ZC3H4: variants seen among roughly 807,000 people sequenced by gnomAD.
The protein encoded by ZC3H4 is zinc finger CCCH-type containing 4.
ZC3H4 carries 13 observed loss-of-function variants against 108.3 expected under a neutral mutation model. The observed-to-expected ratio is 0.12, with a 90% CI of 0.08 to 0.19. The LOEUF is 0.19. Ranked by LOEUF, ZC3H4 falls within the 10% of genes least tolerant of loss-of-function variation. The pLI is 1.00. For synonymous variants in ZC3H4, 917 were observed against 749.6 expected (o/e 1.22, Z -3.65); for missense variants, 1,734 against 1,838.8 (o/e 0.94, Z 1.04).
intron 1 of ZC3H4, chr19:47,113,373 T>TAG (rs2058065118): frequency 6.6e-6 from 1 of 152,656 alleles, no homozygotes. Flanking sequence ...TGGGTGGGGC[T>TAG]AGAGAGAGCA....
chr19:47,079,080 A>C (rs190501346), intron 11 of ZC3H4, among the ~76,000 whole-genome samples: 3,918 of 144,786 alleles, frequency 0.027, 147 homozygotes, highest in African/African-American at 0.085. Flanking sequence ...CCCAGGCTGG[A>C]GTGCAATGGC....
rs1417421062 is a variant in ZC3H4, at chr19:47,085,327, G to C, written c.958C>G (p.Arg320Gly). The change falls in exon 7 of 15, where the codon CGA becomes GGA. Residue 320 changes from arginine (R) to glycine (G), a missense_variant. By Grantham distance (125) the Arg-to-Gly change is moderately radical. Coordinates refer to ENST00000253048, the MANE Select transcript of ZC3H4 (RefSeq NM_015168.2). Reference protein sequence around the residue: ...LNQYRRSKDSRGRGLSRGRGR... With the variant: ...LNQYRRSKDSGGRGLSRGRGR... Reference sequence around the variant, plus strand: ...CCAGGCCCCTGCCCACCTCGGCCTCGGCTGTCCTTGGAGCGGCGGTACTGG... The same window carrying C: ...CCAGGCCCCTGCCCACCTCGGCCTCCGCTGTCCTTGGAGCGGCGGTACTGG... 6.3e-7 allele frequency: 1 copy of C among 1,591,646 alleles called. No individual in the cohort carries two copies. The highest frequency in any genetic ancestry group is 1.8e-5 in the Admixed American group (1 of 56,706).
intron 2 of ZC3H4, among the ~76,000 whole-genome samples, chr19:47,107,270 T>C (rs531163531): frequency 1.3e-5 from 2 of 152,308 alleles, no homozygotes; most frequent in Admixed American, 6.5e-5. Flanking sequence ...ACTGTAAAAG[T>C]TCTGTTTCAA....
chr19:47,095,089 ACCCACAT>A (rs1186651291), intron 2 of ZC3H4, among the ~76,000 whole-genome samples: 1 of 152,076 alleles, frequency 6.6e-6, no homozygotes. Flanking sequence ...GGGAGCACAG[ACCCACAT>A]CCCCTCCCTC....
intron 2 of ZC3H4, among the ~76,000 whole-genome samples, chr19:47,100,640 A>G (rs2057891581): frequency 6.6e-6 from 1 of 151,464 alleles, no homozygotes; most frequent in Non-Finnish European, 1.5e-5. Flanking sequence ...TGGGTATTTG[A>G]GATATTAATT....
chr19:47,089,361 T>C (rs1474469786), intron 5 of ZC3H4, among the ~76,000 whole-genome samples: 1 of 151,870 alleles, frequency 6.6e-6, no homozygotes, highest in Admixed American at 6.6e-5. Flanking sequence ...GGTTCAATGG[T>C]TCTTTTTGGT....
At chr19:47,092,611 G>T (rs1297842147) in intron 4 of ZC3H4, among the ~76,000 whole-genome samples, 1 of 151,756 alleles carries the variant, frequency 6.6e-6, no homozygotes, top group Non-Finnish European at 1.5e-5. Flanking sequence ...GAGGTCAGGA[G>T]TTCGAGGCCA....
chr19:47,071,953 G>T lies in ZC3H4; in HGVS notation c.1971C>A (p.Gly657=). 6.2e-7 allele frequency: 1 copy of T among 1,613,280 alleles called. No individual in the cohort carries two copies. Among genetic ancestry groups the T allele is most frequent in the Non-Finnish European group, 8.5e-7 (1 of 1,179,648 alleles). ...DMHADMPMGP[G]MNPGPPMGPG... ...GGCCCATGGGTGGGCCAGGATTCAT[G>T]CCAGGGCCCATCGGCATGTCTGCGT... is the stretch of plus-strand genomic sequence containing the variant. The change falls in exon 13 of 15, where the codon GGC becomes GGA. Residue 657 remains glycine, a synonymous_variant. Coordinates refer to ENST00000253048, the MANE Select transcript of ZC3H4 (RefSeq NM_015168.2).
rs2057536917 is a variant in ZC3H4 at position 47,082,212 on chromosome 19, G to A, written c.1302C>T (p.Ala434=). ...GCATATAAGGGCAGTTCTCAGCTCT[G>A]GCGCAAAATCCAGTGATGTAAAACT... ...LCKFYITGFC[A]RAENCPYMHG... Residue 434 remains alanine (A), a synonymous_variant, in exon 10 of 15, where the codon GCC becomes GCT. Coordinates refer to ENST00000253048, the MANE Select transcript of ZC3H4 (RefSeq NM_015168.2). 6.2e-7 allele frequency: 1 copy of A among 1,614,032 alleles called. No homozygotes were observed. Among genetic ancestry groups the A allele is most frequent in the Admixed American group, 1.7e-5 (1 of 60,020 alleles).
chr19:47,085,592 G>A (rs1229172263), intron 6 of ZC3H4, among the ~76,000 whole-genome samples, 178 bp from the exon 7 acceptor site: 2 of 152,168 alleles, frequency 1.3e-5, no homozygotes, highest in Non-Finnish European at 2.9e-5. Context: ...AGTCTTCACT[G>A]TGAAGACCTG....
Position 47,112,579 on chromosome 19 carries a change from C to T in ZC3H4, c.6G>A (p.Glu2=). M[E]AAPGTPPPPP... ...GCGGCGGGGGGGTCCCGGGCGCGGC[C>T]TCCATAGTTCCTTTGGGGGGGAGGG... is the stretch of plus-strand genomic sequence containing the variant. Residue 2 remains glutamate, a synonymous_variant, in exon 2 of 15, where the codon GAG becomes GAA. Coordinates refer to ENST00000253048, the MANE Select transcript of ZC3H4 (RefSeq NM_015168.2). 8.4e-7 allele frequency: 1 copy of T among 1,187,174 alleles called. No homozygotes were observed. The highest frequency in any genetic ancestry group is 1.1e-6 in the Non-Finnish European group (1 of 944,630). 73.5% of individuals were successfully genotyped at this position (1,187,174 alleles called of 1,614,324 possible). A position where few individuals can be genotyped will look rare whatever the true frequency, so the allele number is the denominator to read the frequency against.
rs756361226 is a variant in ZC3H4, at chr19:47,090,158, G to A, written c.524C>T (p.Thr175Met). ...GGAGTATGCCTTCTTGGGCAGGGGC[G>A]TGGCATGCGATGGGGGGTACTGCTG... Reference protein sequence around the residue: ...SHQQYPPSHATPLPKKAYSKM... With the variant: ...SHQQYPPSHAMPLPKKAYSKM... The change falls in exon 5 of 15, where the codon ACG becomes ATG. Residue 175 changes from threonine to methionine, a missense_variant. By Grantham distance (81) the Thr-to-Met change is moderately conservative (BLOSUM62 -1). Around this residue, in one of 9 missense-constraint regions of ZC3H4, gnomAD observed 403 missense variants for 457.0 expected, o/e 0.88. Coordinates refer to ENST00000253048, the MANE Select transcript of ZC3H4 (RefSeq NM_015168.2). 1.9e-5 allele frequency: 31 copies of A among 1,614,070 alleles called. No homozygotes were observed. Among genetic ancestry groups the A allele is most frequent in the Admixed American group, 1.0e-4 (6 of 60,010 alleles).
In ZC3H4 at chr19:47,072,024, G is replaced by C. The variant is rs757667086; in HGVS notation, c.1900C>G (p.Pro634Ala). The change falls in exon 13 of 15, where the codon CCC becomes GCC. Residue 634 changes from proline to alanine, a missense_variant. By Grantham distance (27) the Pro-to-Ala change is conservative. Around this residue, in one of 9 missense-constraint regions of ZC3H4, gnomAD observed 540 missense variants for 484.1 expected, o/e 1.12. Transcript: ENST00000253048. The surrounding 1 kb of genome is among the most constrained non-coding windows in gnomAD (Gnocchi z 5.6). ...MGGPMHPDMH[P>A]DMHPDMHPDM... Reference sequence around the variant, plus strand: ...GGGTGCATGTCCGGGTGCATGTCGGGGTGCATGTCAGGATGCATTGGACCG... The same window carrying C: ...GGGTGCATGTCCGGGTGCATGTCGGCGTGCATGTCAGGATGCATTGGACCG... 12 of 1,590,308 alleles carry C rather than the reference G, an allele frequency of 7.5e-6. No individual in the cohort carries two copies. The highest frequency in any genetic ancestry group is 1.3e-5 in the African/African-American group (1 of 74,388).
At chr19:47,073,532 A>C (rs1382151860) in intron 11 of ZC3H4, among the ~76,000 whole-genome samples, 1 of 152,226 alleles carries the variant, frequency 6.6e-6, no homozygotes, top group Non-Finnish European at 1.5e-5. Context: ...AGATCACACT[A>C]CTGCACTCCA....
chr19:47,112,198 CGGG>C, intron 2 of ZC3H4: 1 of 1,207,670 alleles, frequency 8.3e-7, no homozygotes, highest in Non-Finnish European at 1.0e-6. Flanking sequence ...CGAGGGAGAG[CGGG>C]CGAGCGCCGC....
At chr19:47,081,655 C>G in intron 10 of ZC3H4, 33 bp from the exon 11 acceptor site, 1 of 1,570,256 alleles carries the variant, frequency 6.4e-7, no homozygotes, top group Non-Finnish European at 8.8e-7. Context: ...TGCTTCATCT[C>G]ACAGAACGCC....
At chr19:47,071,272 TCTC>T (rs1401171082) in intron 13 of ZC3H4, among the ~76,000 whole-genome samples, 2 of 151,774 alleles carry the variant, frequency 1.3e-5, no homozygotes, top group Non-Finnish European at 2.9e-5. Context: ...GCACACCACA[TCTC>T]CTATGGCTGC....
intron 2 of ZC3H4, 36 bp downstream of exon 2, chr19:47,112,388 C>T (rs2058051845): frequency 1.6e-6 from 2 of 1,232,040 alleles, no homozygotes; most frequent in South Asian, 4.1e-5. Flanking sequence ...CTTCCTCCCC[C>T]CGGGGACGCA....
chr19:47,068,973 G>T, intron 14 of ZC3H4, 119 bp downstream of exon 14: 3 of 1,545,168 alleles, frequency 1.9e-6, no homozygotes, highest in South Asian at 1.2e-5. Context: ...CTGGACAGGG[G>T]TCCTCCCTAG....
Sources: gnomAD v4.1 joint callset for allele counts (sites outside exome capture counted in the v4.1 genomes callset) on GRCh38, gnomAD v4.1.1 for gene constraint, gnomAD v4.1.1 regional missense constraint, Gnocchi (gnomAD v3.1) non-coding constraint, MANE v1.5 for transcripts, NCBI Gene and HGNC (gene_info 2026-07-23, HGNC 2026-07-21) for gene names.